IGFBP2: variants seen among roughly 807,000 people sequenced by gnomAD.
IGFBP2 encodes the protein insulin like growth factor binding protein 2.
A neutral mutation model predicts 26.2 loss-of-function variants in IGFBP2; 12 were observed. The observed-to-expected ratio is 0.46, with a 90% CI of 0.29 to 0.74. IGFBP2 has a LOEUF of 0.74. Among genes scored for constraint, IGFBP2 ranks in the 30% least tolerant of loss-of-function variants. The pLI, the probability that IGFBP2 is intolerant of heterozygous loss-of-function variation, is 0.09. For missense variants in IGFBP2, 328 were observed against 441.2 expected, an observed-to-expected ratio of 0.74 and a Z score of 2.30; for synonymous variants, 189 against 200.6, an observed-to-expected ratio of 0.94 and a Z score of 0.49.
chr2:216,653,903 C>G (rs1256129251), intron 1 of IGFBP2, among the ~76,000 whole-genome samples: 25 of 152,172 alleles, frequency 1.6e-4, no homozygotes. Flanking sequence ...AAAGTCTCTT[C>G]AGGGGCCTTG....
chr2:216,659,657 C>T, intron 1 of IGFBP2: 1 of 1,394,156 alleles, frequency 7.2e-7, no homozygotes, highest in South Asian at 1.2e-5. Context: ...GCCTCCTTCA[C>T]CTAGGCTGTG....
At chr2:216,654,253 T>G (rs1697878766) in intron 1 of IGFBP2, among the ~76,000 whole-genome samples, 1 of 152,156 alleles carries the variant, frequency 6.6e-6, no homozygotes, top group South Asian at 2.1e-4. Context: ...AGGGGCGCTA[T>G]GTGGGTACTT....
At chr2:216,633,168 G>A (rs1028199854), upstream of IGFBP2, among the ~76,000 whole-genome samples, 1 of 152,192 alleles carries the variant, frequency 6.6e-6, no homozygotes, top group Non-Finnish European at 1.5e-5. Context: ...ACCCAAACCC[G>A]CGAGTTATCC....
At chr2:216,642,847 G>A (rs1283059349) in intron 1 of IGFBP2, among the ~76,000 whole-genome samples, 1 of 152,152 alleles carries the variant, frequency 6.6e-6, no homozygotes, top group East Asian at 1.9e-4. Flanking sequence ...AGCCAACCTG[G>A]AAGACCTAGC....
chr2:216,647,587 T>G (rs1248151801), intron 1 of IGFBP2, among the ~76,000 whole-genome samples: 3 of 152,258 alleles, frequency 2.0e-5, no homozygotes, highest in Non-Finnish European at 4.4e-5. Flanking sequence ...TGGCGTGATC[T>G]CGGCTTACCG....
At chr2:216,662,025 A>G in intron 3 of IGFBP2, 27 bp downstream of exon 3, 1 of 1,612,166 alleles carries the variant, frequency 6.2e-7, no homozygotes, top group Non-Finnish European at 8.5e-7. Flanking sequence ...CCTGGGCCAG[A>G]GCAGCTCCTC....
At chr2:216,637,385 A>G (rs367817753) in intron 1 of IGFBP2, among the ~76,000 whole-genome samples, 12 of 152,286 alleles carry the variant, frequency 7.9e-5, no homozygotes, top group African/African-American at 2.9e-4. Context: ...GGCCCGACAG[A>G]TTCTGGACCA....
intron 1 of IGFBP2, among the ~76,000 whole-genome samples, chr2:216,635,447 C>T (rs1482361275): frequency 6.6e-6 from 1 of 152,170 alleles, no homozygotes; most frequent in African/African-American, 2.4e-5. Context: ...CCCTCGTGGT[C>T]CACCGGGGAG....
intron 1 of IGFBP2, among the ~76,000 whole-genome samples, chr2:216,645,765 G>GCT (rs1458296436): frequency 1.3e-5 from 2 of 152,174 alleles, no homozygotes; most frequent in African/African-American, 2.4e-5. Flanking sequence ...CTGCCACTTT[G>GCT]CTTTGGAAAG....
chr2:216,644,529 T>A (rs9341139), intron 1 of IGFBP2, among the ~76,000 whole-genome samples: 2 of 152,114 alleles, frequency 1.3e-5, no homozygotes, highest in South Asian at 4.2e-4. Flanking sequence ...ACTCAGTGTG[T>A]TCCATCCTAT....
intron 2 of IGFBP2, chr2:216,661,343 A>G (rs1021110353): frequency 2.9e-5 from 8 of 276,682 alleles, no homozygotes; most frequent in Admixed American, 2.0e-4. Flanking sequence ...GACTCAAGCA[A>G]TCCTCCCACC....
rs150692704 is a variant in IGFBP2, at chr2:216,649,625, A to G, written c.443-10932A>G. 2.3e-3 allele frequency among the ~76,000 whole-genome samples: 348 copies of G among 152,334 alleles called. 10 individuals carry two copies. The East Asian group carries it at 0.06, about 26-fold the overall frequency. On this transcript the variant is annotated intron_variant, in intron 1 of 3. Coordinates refer to ENST00000233809, the MANE Select transcript of IGFBP2 (RefSeq NM_000597.3). Reference sequence around the variant, plus strand: ...TGATAGTGCTGTTTGCCATCTTGATATCAGTTTCTCTGGCTCTTCAAGGAC... The same window carrying G: ...TGATAGTGCTGTTTGCCATCTTGATGTCAGTTTCTCTGGCTCTTCAAGGAC...
intron 1 of IGFBP2, among the ~76,000 whole-genome samples, chr2:216,646,138 AG>A (rs1697705993): frequency 1.3e-5 from 2 of 152,216 alleles, no homozygotes; most frequent in African/African-American, 4.8e-5. Context: ...ACATCTTTGC[AG>A]GTTTTAAATT....
Position 216,661,899 on chromosome 2 carries a change from C to A in IGFBP2, c.714C>A (p.Ile238=), listed in dbSNP as rs561523224. The A allele has an allele frequency of 2.5e-6, 4 of 1,614,212 alleles. No individual in the cohort carries two copies. The highest frequency in any genetic ancestry group is 3.4e-6 in the Non-Finnish European group (4 of 1,180,028). Residue 238 remains isoleucine (I), a synonymous_variant, in exon 3 of 4, where the codon ATC becomes ATA. Coordinates refer to ENST00000233809, the MANE Select transcript of IGFBP2 (RefSeq NM_000597.3). ...AACTGGACCAGGTCCTGGAGCGGAT[C>A]TCCACCATGCGCCTTCCGGATGAGC... is the stretch of plus-strand genomic sequence containing the variant. The part of the protein sequence containing the change: ...QQELDQVLER[I]STMRLPDERG...
rs2106196660 is a variant in IGFBP2, at chr2:216,648,288, A to G, written c.443-12269A>G. On this transcript the variant is annotated intron_variant, in intron 1 of 3. Coordinates refer to ENST00000233809, the MANE Select transcript of IGFBP2 (RefSeq NM_000597.3). ...ATTTGTCCCTTGGCTTTCAGTTCTC[A>G]GGCCTGAGTCATCTTGATTACTTCA... 2.6e-5 allele frequency among the ~76,000 whole-genome samples: 4 copies of G among 152,226 alleles called. 1 individual carries two copies. In the South Asian group the frequency reaches 8.3e-4, roughly 32 times the overall value.
intron 1 of IGFBP2, among the ~76,000 whole-genome samples, chr2:216,650,224 C>G (rs555255170): frequency 6.6e-6 from 1 of 152,290 alleles, no homozygotes; most frequent in South Asian, 2.1e-4. Context: ...GCAAGCTCAT[C>G]AGATGATTTC....
intron 1 of IGFBP2, among the ~76,000 whole-genome samples, chr2:216,656,435 A>G (rs1208506681): frequency 6.6e-6 from 1 of 152,218 alleles, no homozygotes; most frequent in Non-Finnish European, 1.5e-5. Context: ...CATTTCAGCA[A>G]TGGGCTATCA....
At chr2:216,651,660 A>G (rs996795667) in intron 1 of IGFBP2, among the ~76,000 whole-genome samples, 2 of 152,222 alleles carry the variant, frequency 1.3e-5, no homozygotes, top group African/African-American at 4.8e-5. Context: ...CATTTTTTCC[A>G]TGCATTTGGC....
At position 216,642,018 on chromosome 2, in the gene IGFBP2, G is replaced by A. The variant is rs545300207; in HGVS notation, c.442+8053G>A. On this transcript the variant is annotated intron_variant, in intron 1 of 3. Coordinates refer to ENST00000233809, the MANE Select transcript of IGFBP2 (RefSeq NM_000597.3). ...GCTTACATTTTTTTTTTTTTTTCGT[G>A]AGACGGAGTCTCGCTGTGTCGCCCA... Among the ~76,000 whole-genome samples the A allele has an allele frequency of 2.5e-3, 280 of 111,252 alleles. 2 individuals are homozygous for A. The highest frequency in any genetic ancestry group is 9.3e-3 in the Middle Eastern group (1 of 108). The allele number at this position is 111,252 out of a possible 152,430, so 73.0% of individuals were successfully genotyped here. A position where few individuals can be genotyped will look rare whatever the true frequency, so the allele number is the denominator to read the frequency against.
Sources: gnomAD v4.1 joint callset for allele counts (sites outside exome capture counted in the v4.1 genomes callset) on GRCh38, gnomAD v4.1.1 for gene constraint, MANE v1.5 for transcripts, NCBI Gene and HGNC (gene_info 2026-07-23, HGNC 2026-07-21) for gene names.